The following CBLB variants were observed in gnomAD, a reference collection of about 807,000 sequenced individuals.
CBLB encodes E3 ubiquitin-protein ligase CBL-B.
CBLB carries 31 observed loss-of-function variants against 104.9 expected under a neutral mutation model. That is an observed-to-expected ratio of 0.30 (90% CI 0.22 to 0.40). CBLB has a LOEUF of 0.40. Among genes scored for constraint, CBLB ranks in the 10% least tolerant of loss-of-function variants. CBLB has a pLI of 1.00. For missense variants in CBLB, 1,062 were observed against 1,214.6 expected, an observed-to-expected ratio of 0.87 and a Z score of 1.87; for synonymous variants, 440 against 422.6, an observed-to-expected ratio of 1.04 and a Z score of -0.51.
chr3:105,790,610 A>C (rs1227628231), intron 3 of CBLB, among the ~76,000 whole-genome samples: 3 of 152,232 alleles, frequency 2.0e-5, no homozygotes, highest in Non-Finnish European at 4.4e-5. Context: ...TCTAGTGGTT[A>C]CTTAGATATA....
At chr3:105,673,904 C>T (rs557251395) in intron 17 of CBLB, 1 of 152,342 alleles carries the variant, frequency 6.6e-6, no homozygotes, top group East Asian at 1.9e-4. Context: ...TGAGCCAATT[C>T]TCAGTTCCTT....
chr3:105,679,122 T>A (rs1204260988), intron 16 of CBLB, among the ~76,000 whole-genome samples: 1 of 152,118 alleles, frequency 6.6e-6, no homozygotes, highest in East Asian at 1.9e-4. Flanking sequence ...ACATAAAATG[T>A]ACCTAGAGCA....
intron 8 of CBLB, 135 bp downstream of exon 8, chr3:105,737,036 A>G: frequency 2.3e-6 from 1 of 428,570 alleles, no homozygotes; most frequent in Non-Finnish European, 4.2e-6. Context: ...TTCTCCTTAA[A>G]CACTCTTAGA....
chr3:105,792,201 C>A (rs536386056), intron 3 of CBLB, among the ~76,000 whole-genome samples: 2 of 152,210 alleles, frequency 1.3e-5, no homozygotes, highest in South Asian at 4.2e-4. Flanking sequence ...TTAGCAGGAC[C>A]CTCAAAAGAT....
chr3:105,793,983 T>A (rs1476263567), intron 3 of CBLB, among the ~76,000 whole-genome samples: 1 of 152,176 alleles, frequency 6.6e-6, no homozygotes, highest in East Asian at 1.9e-4. Context: ...GAAAATAACT[T>A]GCAAATAGAG....
chr3:105,745,154 A>C (rs1576814283), intron 6 of CBLB, among the ~76,000 whole-genome samples: 1 of 152,136 alleles, frequency 6.6e-6, no homozygotes, highest in Admixed American at 6.5e-5. Context: ...TAATATCCCT[A>C]CTGCCGTACT....
chr3:105,861,706 CAT>C (rs146939427), intron 2 of CBLB, among the ~76,000 whole-genome samples: 168 of 150,152 alleles, frequency 1.1e-3, no homozygotes, highest in South Asian at 8.5e-3. Context: ...CACACACACA[CAT>C]ACATACACAC....
rs146273949 is a variant in CBLB, at chr3:105,720,003, A to C, written c.1407+44T>G. ...TTTATGACGGCATCATTTCCTTTTC[A>C]TATGGTCACATCACCTTAACTAAAC... On this transcript the variant is annotated intron_variant, in intron 10 of 18. Coordinates refer to ENST00000394030, the MANE Select transcript of CBLB (RefSeq NM_170662.5). The C allele has an allele frequency of 1.2e-4, 174 of 1,411,132 alleles. 1 individual carries two copies. In the African/African-American group the frequency reaches 2.1e-3, roughly 17 times the overall value. The allele number at this position is 1,411,132 out of a possible 1,614,324, so 87.4% of individuals were successfully genotyped here.
At position 105,657,653 on chromosome 3, in the gene CBLB, A is replaced by C. The variant is rs2063435767; in HGVS notation, c.*1317T>G. 4.9e-6 allele frequency: 1 copy of C among 203,482 alleles called. No individual in the cohort carries two copies. Among genetic ancestry groups the C allele is most frequent in the Admixed American group, 6.0e-5 (1 of 16,788 alleles). The allele number at this position is 203,482 out of a possible 1,614,324, so 12.6% of individuals were successfully genotyped here. On this transcript the variant is annotated 3_prime_UTR_variant, in exon 19 of 19. Transcript: ENST00000394030. Reference sequence around the variant, plus strand: ...TCATAGATGCTCAATAAATATTTGTAGATTTATTAAGAGTAATAACATGGT... The same window carrying C: ...TCATAGATGCTCAATAAATATTTGTCGATTTATTAAGAGTAATAACATGGT...
intron 2 of CBLB, among the ~76,000 whole-genome samples, chr3:105,859,692 G>A (rs909590455): frequency 1.1e-4 from 16 of 149,106 alleles, no homozygotes; most frequent in Non-Finnish European, 1.8e-4. Flanking sequence ...AGAAAGCCCT[G>A]TCCTCCTCCT....
chr3:105,837,170 A>C (rs2088656804), intron 3 of CBLB, among the ~76,000 whole-genome samples: 4 of 152,260 alleles, frequency 2.6e-5, no homozygotes. Flanking sequence ...GACAATTCCC[A>C]CAATAAGACT....
intron 12 of CBLB, among the ~76,000 whole-genome samples, chr3:105,698,611 A>C (rs1159879190): frequency 6.6e-6 from 1 of 150,560 alleles, no homozygotes; most frequent in Non-Finnish European, 1.5e-5. Flanking sequence ...TGACCAAAAA[A>C]AAAAAAAAAA....
intron 3 of CBLB, among the ~76,000 whole-genome samples, chr3:105,796,445 T>G (rs1180174793): frequency 1.3e-5 from 2 of 152,090 alleles, no homozygotes; most frequent in African/African-American, 2.4e-5. Context: ...AATCAACTCA[T>G]GAGGATTAAA....
At chr3:105,719,899 G>C (rs1019330762) in intron 10 of CBLB, 148 bp downstream of exon 10, 65 of 710,384 alleles carry the variant, frequency 9.1e-5, no homozygotes, top group Non-Finnish European at 1.4e-4. Flanking sequence ...TGATATTGAT[G>C]ATCCTGACCC....
At chr3:105,831,682 G>A (rs982001650) in intron 3 of CBLB, among the ~76,000 whole-genome samples, 6 of 152,168 alleles carry the variant, frequency 3.9e-5, no homozygotes, top group Non-Finnish European at 8.8e-5. Flanking sequence ...CAACCTATTT[G>A]ATAGGATGGT....
At chr3:105,677,343 A>G (rs1035655845) in intron 17 of CBLB, among the ~76,000 whole-genome samples, 10 of 145,462 alleles carry the variant, frequency 6.9e-5, no homozygotes, top group Non-Finnish European at 1.3e-4. Context: ...TAAACTATCA[A>G]ACCAAGTAAA....
At chr3:105,863,458 C>T (rs370122420) in intron 2 of CBLB, among the ~76,000 whole-genome samples, 1 of 152,164 alleles carries the variant, frequency 6.6e-6, no homozygotes, top group African/African-American at 2.4e-5. Context: ...GGTTTTAAGG[C>T]TCTAGGAATG....
intron 3 of CBLB, among the ~76,000 whole-genome samples, chr3:105,817,935 C>A (rs1213270750): frequency 6.6e-6 from 1 of 152,142 alleles, no homozygotes; most frequent in Non-Finnish European, 1.5e-5. Flanking sequence ...TATTTTAAAT[C>A]ATGATGATGA....
chr3:105,665,398 TAAATAA>T, intron 18 of CBLB, among the ~76,000 whole-genome samples: 1 of 100,220 alleles, frequency 1.0e-5, no homozygotes, highest in African/African-American at 3.8e-5. Flanking sequence ...AAAAAATAAA[TAAATAA>T]ATAAATAAAT....
Sources: allele counts gnomAD v4.1 joint callset (sites outside exome capture counted in the v4.1 genomes callset), GRCh38; gene constraint gnomAD v4.1.1; transcripts MANE v1.5; gene names NCBI Gene and HGNC (gene_info 2026-07-23, HGNC 2026-07-21).